PARP8: variants seen among roughly 807,000 people sequenced by gnomAD.
PARP8 encodes the protein poly(ADP-ribose) polymerase family member 8.
Under a neutral mutation model 124.1 loss-of-function variants are expected in PARP8, and 51 were observed. The ratio of observed to expected loss-of-function variants is 0.41; its 90% CI spans 0.33 to 0.52. PARP8 has a LOEUF of 0.52. Among genes scored for constraint, PARP8 ranks in the 20% least tolerant of loss-of-function variants. The probability of loss-of-function intolerance (pLI) is 0.21; values close to 1 mark genes in which losing one functional copy is unlikely to be tolerated. For synonymous variants in PARP8, 391 were observed against 361.5 expected, an observed-to-expected ratio of 1.08 and a Z score of -0.93; for missense variants, 860 against 1,018.9, an observed-to-expected ratio of 0.84 and a Z score of 2.12.
chr5:50,765,773 C>G (rs985117241), intron 7 of PARP8, among the ~76,000 whole-genome samples: 6 of 152,148 alleles, frequency 3.9e-5, no homozygotes, highest in African/African-American at 1.4e-4. Flanking sequence ...AATTTACTGT[C>G]TAGTTTCAAA....
chr5:50,706,048 C>T (rs1308635869), intron 2 of PARP8, among the ~76,000 whole-genome samples: 9 of 152,136 alleles, frequency 5.9e-5, no homozygotes, highest in Admixed American at 5.2e-4. Flanking sequence ...TATGCTCCTG[C>T]TTAACAATTG....
chr5:50,812,139 T>C (rs1744527059), intron 14 of PARP8, among the ~76,000 whole-genome samples: 1 of 152,136 alleles, frequency 6.6e-6, no homozygotes, highest in African/African-American at 2.4e-5. Flanking sequence ...GTATTTCCAG[T>C]TCCATCCAGA....
chr5:50,669,964 C>T, intron 2 of PARP8, among the ~76,000 whole-genome samples: 1 of 152,154 alleles, frequency 6.6e-6, no homozygotes, highest in Non-Finnish European at 1.5e-5. Flanking sequence ...TGATGTGTTG[C>T]TTTGTCTTCT....
chr5:50,836,172 C>G (rs1006434848), intron 25 of PARP8, among the ~76,000 whole-genome samples: 1 of 152,074 alleles, frequency 6.6e-6, no homozygotes, highest in Non-Finnish European at 1.5e-5. Context: ...TAGATATTTG[C>G]TGACTATAGA....
chr5:50,692,804 T>G (rs1364825597), intron 2 of PARP8, among the ~76,000 whole-genome samples: 5 of 152,202 alleles, frequency 3.3e-5, no homozygotes, highest in African/African-American at 1.2e-4. Context: ...ACTCTGTACC[T>G]CCTTGGCACC....
chr5:50,695,634 T>A (rs1476237519), intron 2 of PARP8, among the ~76,000 whole-genome samples: 1 of 152,222 alleles, frequency 6.6e-6, no homozygotes, highest in African/African-American at 2.4e-5. Flanking sequence ...ATTCTAATAT[T>A]TGCATCCTTG....
chr5:50,712,248 A>G (rs1754835140), intron 2 of PARP8, among the ~76,000 whole-genome samples: 3 of 152,250 alleles, frequency 2.0e-5, no homozygotes, highest in South Asian at 2.1e-4. Flanking sequence ...AGGATTATAT[A>G]TTTAGAAATA....
chr5:50,841,744 A>T (rs1481705063), intron 25 of PARP8, among the ~76,000 whole-genome samples: 240 of 41,792 alleles, frequency 5.7e-3, no homozygotes, highest in Middle Eastern at 0.023. Flanking sequence ...TGCGGGGATA[A>T]AAAAAAAAAA....
intron 2 of PARP8, among the ~76,000 whole-genome samples, chr5:50,720,607 A>AAT (rs572693486): frequency 2.8e-4 from 43 of 152,156 alleles, no homozygotes; most frequent in African/African-American, 7.9e-4. Flanking sequence ...GAACTTAATT[A>AAT]TATCATAATT....
At chr5:50,727,757 C>T (rs1355918202) in intron 2 of PARP8, among the ~76,000 whole-genome samples, 26 of 152,162 alleles carry the variant, frequency 1.7e-4, no homozygotes, top group Admixed American at 3.9e-4. Context: ...TACTCATCCA[C>T]GTATTTTTGT....
chr5:50,778,173 C>T lies in PARP8; in HGVS notation c.579+44C>T, dbSNP rs1554059891. ...TAATATGAATGGTGCATTTAAAATA[C>T]ATTTTATTTTATTTTTGGGGGAAAT... On this transcript the variant is annotated intron_variant, in intron 8 of 25. Coordinates refer to ENST00000281631, the MANE Select transcript of PARP8 (RefSeq NM_024615.4). The T allele has an allele frequency of 8.9e-6, 12 of 1,347,150 alleles. No individual in the cohort carries two copies. In the South Asian group the frequency reaches 1.4e-4, roughly 16 times the overall value. 83.4% of individuals were successfully genotyped at this position (1,347,150 alleles called of 1,614,324 possible).
intron 3 of PARP8, among the ~76,000 whole-genome samples, chr5:50,750,792 T>G (rs764232204): frequency 1.8e-4 from 28 of 152,148 alleles, no homozygotes; most frequent in Non-Finnish European, 3.5e-4. Context: ...AAGAATAGTA[T>G]TCTATAAAAC....
intron 2 of PARP8, among the ~76,000 whole-genome samples, chr5:50,710,913 ACTAT>A (rs1436825299): frequency 3.3e-5 from 5 of 152,140 alleles, no homozygotes; most frequent in African/African-American, 4.8e-5. Context: ...TAGCTTTATA[ACTAT>A]CTGTCAATCA....
chr5:50,746,920 C>T (rs1340377695), intron 2 of PARP8, among the ~76,000 whole-genome samples: 1 of 151,770 alleles, frequency 6.6e-6, no homozygotes, highest in Non-Finnish European at 1.5e-5. Flanking sequence ...TCCAATCTAC[C>T]CAGGAGGCTG....
rs529208212 is a variant in PARP8 at position 50,740,041 on chromosome 5, G to A, written c.147-10110G>A. ...TGGGATTACAGGCATGAGCTACTGC[G>A]CCCGGCCTGGGTTTATATATTTTTA... is the stretch of plus-strand genomic sequence containing the variant. On this transcript the variant is annotated intron_variant, in intron 2 of 25. Transcript: ENST00000281631. Among the ~76,000 whole-genome samples, 22 of 152,084 alleles carry A rather than the reference G, an allele frequency of 1.4e-4. 1 individual carries two copies. In the South Asian group the frequency reaches 4.2e-3, roughly 29 times the overall value.
intron 3 of PARP8, among the ~76,000 whole-genome samples, chr5:50,754,150 T>TATATATATATATATACACACAC (rs1312947286): frequency 8.1e-5 from 3 of 37,192 alleles, no homozygotes; most frequent in African/African-American, 3.7e-4. Flanking sequence ...TATATATATA[T>TATATATATATATATACACACAC]ACACACACAC....
intron 2 of PARP8, among the ~76,000 whole-genome samples, chr5:50,748,745 A>G (rs1225816760): frequency 6.6e-6 from 1 of 152,080 alleles, no homozygotes; most frequent in Non-Finnish European, 1.5e-5. Flanking sequence ...TTTTTCTCTG[A>G]CTTCTTTTAG....
intron 14 of PARP8, among the ~76,000 whole-genome samples, chr5:50,807,925 A>G (rs1744039619): frequency 6.6e-6 from 1 of 152,140 alleles, no homozygotes; most frequent in African/African-American, 2.4e-5. Flanking sequence ...CTGATTCCCA[A>G]ATATGTTTGC....
intron 2 of PARP8, among the ~76,000 whole-genome samples, chr5:50,712,345 A>AC (rs1362015015): frequency 6.6e-6 from 1 of 152,126 alleles, no homozygotes; most frequent in Non-Finnish European, 1.5e-5. Context: ...TTTGTGGAGC[A>AC]CCTATAATAC....
Sources: allele counts gnomAD v4.1 joint callset (sites outside exome capture counted in the v4.1 genomes callset), GRCh38; gene constraint gnomAD v4.1.1; transcripts MANE v1.5; gene names NCBI Gene and HGNC (gene_info 2026-07-23, HGNC 2026-07-21).